The following SLC24A2 variants were observed in gnomAD, a reference collection of about 807,000 sequenced individuals.
The protein encoded by SLC24A2 is solute carrier family 24 member 2, also known as sodium/potassium/calcium exchanger 2.
In SLC24A2, 36 loss-of-function variants were observed where a neutral mutation model predicts 62.0. That is an observed-to-expected ratio of 0.58 (90% CI 0.44 to 0.77). SLC24A2 has a LOEUF of 0.77. Ranked by LOEUF, SLC24A2 falls within the 30% of genes least tolerant of loss-of-function variation. The pLI, the probability that SLC24A2 is intolerant of heterozygous loss-of-function variation, is 0.00. For synonymous variants in SLC24A2, 358 were observed against 294.0 expected, an observed-to-expected ratio of 1.22 and a Z score of -2.23; for missense variants, 846 against 817.9, an observed-to-expected ratio of 1.03 and a Z score of -0.42.
At chr9:20,273,740 T>G in the SLC24A2 span, among the ~76,000 whole-genome samples, 6 of 152,160 alleles carry the variant, frequency 3.9e-5, no homozygotes, top group Non-Finnish European at 8.8e-5. Flanking sequence ...ATTAGCAGTG[T>G]GAAAATGGAC....
the SLC24A2 span, among the ~76,000 whole-genome samples, chr9:19,801,752 C>T: frequency 6.6e-6 from 1 of 152,184 alleles, no homozygotes; most frequent in African/African-American, 2.4e-5. Context: ...TGGAAGTGGT[C>T]ACCTTCCCAG....
the SLC24A2 span, among the ~76,000 whole-genome samples, chr9:19,941,275 C>T: frequency 1.3e-5 from 2 of 152,104 alleles, no homozygotes; most frequent in Admixed American, 6.5e-5. Context: ...CCAAGGCCAA[C>T]CCATCCCTTG....
At chr9:20,271,266 A>G in the SLC24A2 span, among the ~76,000 whole-genome samples, 7 of 152,284 alleles carry the variant, frequency 4.6e-5, no homozygotes, top group Admixed American at 3.3e-4. Flanking sequence ...ACTGTCCCCC[A>G]TATAATTTAC....
the SLC24A2 span, among the ~76,000 whole-genome samples, chr9:20,147,565 C>A: frequency 6.6e-6 from 1 of 152,030 alleles, no homozygotes; most frequent in Non-Finnish European, 1.5e-5. Flanking sequence ...GTAGATATGC[C>A]GTAAATTCTT....
chr9:19,838,972 A>T, the SLC24A2 span, among the ~76,000 whole-genome samples: 1 of 152,190 alleles, frequency 6.6e-6, no homozygotes, highest in Non-Finnish European at 1.5e-5. Context: ...AATGGGAGAA[A>T]ATTTTTGCAA....
At chr9:20,299,669 C>G in the SLC24A2 span, among the ~76,000 whole-genome samples, 1 of 152,172 alleles carries the variant, frequency 6.6e-6, no homozygotes, top group African/African-American at 2.4e-5. Flanking sequence ...CTATTCCTTA[C>G]CCCCACTACT....
chr9:20,027,470 C>T, the SLC24A2 span, among the ~76,000 whole-genome samples: 1 of 151,950 alleles, frequency 6.6e-6, no homozygotes, highest in South Asian at 2.1e-4. Flanking sequence ...TATTTAACCA[C>T]AAAAAGGAAT....
chr9:19,932,050 T>C, the SLC24A2 span, among the ~76,000 whole-genome samples: 1 of 152,208 alleles, frequency 6.6e-6, no homozygotes, highest in East Asian at 1.9e-4. Flanking sequence ...AAATTTCTCA[T>C]GTATTCGCAT....
chr9:20,184,332 C>T, the SLC24A2 span, among the ~76,000 whole-genome samples: 3 of 152,148 alleles, frequency 2.0e-5, no homozygotes, highest in Non-Finnish European at 2.9e-5. Context: ...GGGCAGACCA[C>T]GAGATCAAGA....
chr9:19,650,408 A>C (rs1818765257), intron 2 of SLC24A2, among the ~76,000 whole-genome samples: 1 of 152,178 alleles, frequency 6.6e-6, no homozygotes, highest in Admixed American at 6.5e-5. Context: ...TCACACGAAG[A>C]CCAAGAAGAA....
chr9:19,971,436 A>G, the SLC24A2 span, among the ~76,000 whole-genome samples: 2 of 152,214 alleles, frequency 1.3e-5, no homozygotes, highest in African/African-American at 4.8e-5. Context: ...TGTTATATGA[A>G]AGCTACAGTA....
At chr9:19,535,231 C>T (rs1306667078) in intron 8 of SLC24A2, among the ~76,000 whole-genome samples, 1 of 151,762 alleles carries the variant, frequency 6.6e-6, no homozygotes, top group African/African-American at 2.4e-5. Context: ...AATTTAAGTT[C>T]TTTGAAGATT....
At chr9:19,763,719 T>C (rs1398133285) in intron 2 of SLC24A2, among the ~76,000 whole-genome samples, 3 of 152,182 alleles carry the variant, frequency 2.0e-5, no homozygotes, top group Non-Finnish European at 2.9e-5. Context: ...TTTGCCAGCA[T>C]TTTATTGAGG....
chr9:19,539,327 C>T (rs1374226352), intron 8 of SLC24A2, among the ~76,000 whole-genome samples: 2 of 139,144 alleles, frequency 1.4e-5, no homozygotes, highest in Non-Finnish European at 3.1e-5. Context: ...TTCCTGCTTT[C>T]TCTTGTAGGC....
intron 2 of SLC24A2, among the ~76,000 whole-genome samples, chr9:19,696,315 G>A (rs1184653287): frequency 6.6e-6 from 1 of 152,146 alleles, no homozygotes; most frequent in Admixed American, 6.5e-5. Flanking sequence ...TTGCTTTAAG[G>A]ATTCATACTC....
chr9:20,106,253 G>A, the SLC24A2 span, among the ~76,000 whole-genome samples: 70 of 152,104 alleles, frequency 4.6e-4, no homozygotes, highest in Non-Finnish European at 6.2e-4. Flanking sequence ...ATTCACAGCC[G>A]AATTCTACCA....
the SLC24A2 span, among the ~76,000 whole-genome samples, chr9:20,071,699 C>T: frequency 6.6e-6 from 1 of 152,206 alleles, no homozygotes; most frequent in Admixed American, 6.5e-5. Flanking sequence ...TCTTGTGGAA[C>T]CAAGCCCCCA....
the SLC24A2 span, among the ~76,000 whole-genome samples, chr9:19,820,876 G>C: frequency 6.6e-6 from 1 of 152,054 alleles, no homozygotes; most frequent in African/African-American, 2.4e-5. Context: ...CTTAGTTGTA[G>C]CATTTATGTT....
the SLC24A2 span, among the ~76,000 whole-genome samples, chr9:19,865,110 G>C: frequency 6.6e-6 from 1 of 151,846 alleles, no homozygotes; most frequent in Admixed American, 6.6e-5. Flanking sequence ...TAAATACGTA[G>C]GAATCGACTT....
Sources: gnomAD v4.1 joint callset for allele counts (sites outside exome capture counted in the v4.1 genomes callset) on GRCh38, gnomAD v4.1.1 for gene constraint, MANE v1.5 for transcripts, NCBI Gene and HGNC (gene_info 2026-07-23, HGNC 2026-07-21) for gene names.